The following OXR1 variants were observed in gnomAD, a reference collection of about 807,000 sequenced individuals.
OXR1 encodes oxidation resistance protein 1.
In OXR1, 41 loss-of-function variants were observed where a neutral mutation model predicts 104.6. That is an observed-to-expected ratio of 0.39 (90% CI 0.31 to 0.51). The LOEUF (loss-of-function observed/expected upper bound fraction) is 0.51. Ranked by LOEUF, OXR1 falls within the 20% of genes least tolerant of loss-of-function variation. The pLI, the probability that OXR1 is intolerant of heterozygous loss-of-function variation, is 0.77. For missense variants in OXR1, 955 were observed against 1,031.9 expected (o/e 0.93, Z 1.02); for synonymous variants, 348 against 348.4 (o/e 1.00, Z 0.01).
chr8:106,376,115 G>A (rs534721035), intron 2 of OXR1, among the ~76,000 whole-genome samples: 6 of 152,256 alleles, frequency 3.9e-5, no homozygotes, highest in East Asian at 1.9e-4. Context: ...TCTGTATACC[G>A]ACATTTTTTT....
intron 3 of OXR1, among the ~76,000 whole-genome samples, chr8:106,567,111 T>C (rs992286843): frequency 1.3e-5 from 2 of 152,036 alleles, no homozygotes; most frequent in African/African-American, 4.8e-5. Flanking sequence ...ATTTAAAGTA[T>C]AATAAAAAAA....
intron 3 of OXR1, among the ~76,000 whole-genome samples, chr8:106,553,207 TAATAAAATAA>T (rs143312498): frequency 4.7e-5 from 7 of 149,408 alleles, no homozygotes; most frequent in African/African-American, 9.8e-5. Context: ...AGTACAGTAA[TAATAAAATAA>T]AATAAAATAA....
At chr8:106,500,003 C>A (rs1467065529) in intron 2 of OXR1, among the ~76,000 whole-genome samples, 1 of 152,212 alleles carries the variant, frequency 6.6e-6, no homozygotes, top group Non-Finnish European at 1.5e-5. Flanking sequence ...GTGCCAAAAG[C>A]CAGTGACCCA....
chr8:106,643,435 T>G (rs202156753), intron 3 of OXR1, among the ~76,000 whole-genome samples: 1 of 25,018 alleles, frequency 4.0e-5, no homozygotes, highest in Non-Finnish European at 6.7e-5. Flanking sequence ...ATCAATAGAA[T>G]TTTTTTTTTT....
At chr8:106,365,169 T>A (rs925423349) in intron 2 of OXR1, among the ~76,000 whole-genome samples, 1 of 152,124 alleles carries the variant, frequency 6.6e-6, no homozygotes, top group African/African-American at 2.4e-5. Context: ...AAGGCTGATA[T>A]TTCTAATTTT....
intron 3 of OXR1, chr8:106,658,233 G>A: frequency 8.1e-7 from 1 of 1,230,936 alleles, no homozygotes; most frequent in Non-Finnish European, 1.0e-6. Context: ...CTGGGCTGAG[G>A]GCTGTGGGGA....
At chr8:106,541,424 A>G (rs1304673824) in intron 3 of OXR1, among the ~76,000 whole-genome samples, 1 of 152,204 alleles carries the variant, frequency 6.6e-6, no homozygotes, top group Non-Finnish European at 1.5e-5. Flanking sequence ...CTCATGCTAT[A>G]TGTTCTTCTT....
At chr8:106,337,786 C>T (rs567850220) in intron 1 of OXR1, among the ~76,000 whole-genome samples, 4 of 152,108 alleles carry the variant, frequency 2.6e-5, no homozygotes, top group African/African-American at 4.8e-5. Flanking sequence ...TTGGAAATCA[C>T]CTTTCTCTTA....
chr8:106,289,359 T>C (rs953347911), intron 1 of OXR1, among the ~76,000 whole-genome samples: 2 of 152,184 alleles, frequency 1.3e-5, no homozygotes, highest in Non-Finnish European at 2.9e-5. Flanking sequence ...AACATTTGTA[T>C]ACACCAATAA....
chr8:106,456,720 G>C (rs1338043464), intron 2 of OXR1, among the ~76,000 whole-genome samples: 1 of 152,026 alleles, frequency 6.6e-6, no homozygotes, highest in African/African-American at 2.4e-5. Flanking sequence ...ATTACCTTTT[G>C]AGCGTTGTTA....
intron 1 of OXR1, among the ~76,000 whole-genome samples, chr8:106,346,810 C>T (rs1052622226): frequency 2.0e-5 from 3 of 152,036 alleles, no homozygotes; most frequent in Non-Finnish European, 4.4e-5. Context: ...GAGGCCAAGG[C>T]GGGCGGATCA....
At chr8:106,692,093 T>C (rs1587110395) in intron 6 of OXR1, among the ~76,000 whole-genome samples, 2 of 151,980 alleles carry the variant, frequency 1.3e-5, no homozygotes, top group Admixed American at 6.6e-5. Context: ...TTGTTTTTCC[T>C]TATAATTCTC....
chr8:106,634,836 CAAAAA>C (rs565594701), intron 3 of OXR1, among the ~76,000 whole-genome samples: 1 of 121,856 alleles, frequency 8.2e-6, no homozygotes, highest in African/African-American at 3.1e-5. Flanking sequence ...TCTTGGCATG[CAAAAA>C]AAAAAAAAAG....
chr8:106,587,675 G>T (rs1818732135), intron 3 of OXR1, among the ~76,000 whole-genome samples: 2 of 152,140 alleles, frequency 1.3e-5, no homozygotes, highest in African/African-American at 4.8e-5. Context: ...TGTGGCCATT[G>T]CTGTGCCTGA....
intron 3 of OXR1, among the ~76,000 whole-genome samples, chr8:106,535,733 A>G (rs1814464205): frequency 6.6e-6 from 1 of 152,142 alleles, no homozygotes; most frequent in African/African-American, 2.4e-5. Context: ...AAAAAGTAAA[A>G]CCATCCCTAG....
rs541426389 is a variant in OXR1, at chr8:106,318,029, A to G, written c.-138-41447A>G. Among the ~76,000 whole-genome samples the G allele has an allele frequency of 6.7e-4, 102 of 152,318 alleles. 1 individual carries two copies. Among genetic ancestry groups the G allele is most frequent in the Non-Finnish European group, 1.2e-3 (79 of 68,034 alleles). On this transcript the variant is annotated intron_variant, in intron 1 of 16. Coordinates refer to ENST00000517566, the MANE Select transcript of OXR1 (RefSeq NM_001198533.2). ...ATATTCCTAATGACCATGACAGGAAATAATGATAGCATTAAACTGTAGTGT... is the reference window on the plus strand; with the variant it reads ...ATATTCCTAATGACCATGACAGGAAGTAATGATAGCATTAAACTGTAGTGT...
chr8:106,347,596 G>GA (rs922682487), intron 1 of OXR1, among the ~76,000 whole-genome samples: 2 of 151,988 alleles, frequency 1.3e-5, no homozygotes, highest in East Asian at 1.9e-4. Context: ...CAGGGACTAG[G>GA]AAAAAAATTA....
intron 11 of OXR1, among the ~76,000 whole-genome samples, chr8:106,721,907 G>A (rs1237358721): frequency 6.6e-6 from 1 of 152,138 alleles, no homozygotes; most frequent in Non-Finnish European, 1.5e-5. Context: ...CTACTATGTG[G>A]TGATTGCCTT....
At chr8:106,680,172 T>G (rs934818141) in intron 4 of OXR1, among the ~76,000 whole-genome samples, 12 of 152,232 alleles carry the variant, frequency 7.9e-5, no homozygotes, top group Admixed American at 7.2e-4. Flanking sequence ...ATTTTAAATA[T>G]TTTTAAAAGG....
Sources: allele counts gnomAD v4.1 joint callset (sites outside exome capture counted in the v4.1 genomes callset), GRCh38; gene constraint gnomAD v4.1.1; transcripts MANE v1.5; gene names NCBI Gene and HGNC (gene_info 2026-07-23, HGNC 2026-07-21).